RTL4: variants seen among roughly 807,000 people sequenced by gnomAD.
The protein encoded by RTL4 is retrotransposon Gag-like protein 4.
RTL4 carries 4 observed loss-of-function variants against 5.3 expected under a neutral mutation model. The ratio of observed to expected loss-of-function variants is 0.75; its 90% confidence interval spans 0.37 to 1.72. RTL4 has a LOEUF of 1.72. Among genes scored for constraint, RTL4 ranks in the 40% most tolerant of loss-of-function variants. RTL4 has a pLI of 0.04. For synonymous variants in RTL4, 98 were observed against 87.3 expected, an observed-to-expected ratio of 1.12 and a Z score of -0.68; for missense variants, 260 against 227.1, an observed-to-expected ratio of 1.14 and a Z score of -0.93.
At chrX:112,201,129 C>A in the RTL4 span, among the ~76,000 whole-genome samples, 1 of 111,089 alleles carries the variant, frequency 9.0e-6, no homozygotes, top group Non-Finnish European at 1.9e-5. Context: ...CTTCACAAGG[C>A]GGCAAGAAGA....
At chrX:112,199,725 C>T in the RTL4 span, among the ~76,000 whole-genome samples, 1 of 111,457 alleles carries the variant, frequency 9.0e-6, no homozygotes, top group Non-Finnish European at 1.9e-5. Context: ...AACTCACTTC[C>T]TAGAAGGGGC....
chrX:112,299,389 T>C, the RTL4 span, among the ~76,000 whole-genome samples: 4 of 112,828 alleles, frequency 3.5e-5, no homozygotes, highest in Non-Finnish European at 7.5e-5. Context: ...AGCCACAATA[T>C]GTGAATCAGA....
chrX:112,174,924 G>A, the RTL4 span, among the ~76,000 whole-genome samples: 1 of 40,622 alleles, frequency 2.5e-5, no homozygotes, highest in Non-Finnish European at 5.4e-5. Context: ...CTTTTTGATG[G>A]GGTTGTTTTT....
At chrX:112,335,427 A>G in the RTL4 span, among the ~76,000 whole-genome samples, 709 of 112,058 alleles carry the variant, frequency 6.3e-3, 7 homozygotes, top group African/African-American at 0.022. Context: ...ATTGTTTAAA[A>G]AAATCATTCA....
chrX:112,304,046 C>T, the RTL4 span, among the ~76,000 whole-genome samples: 8 of 109,978 alleles, frequency 7.3e-5, no homozygotes, highest in South Asian at 8.0e-4. Context: ...CTTTTTTGAG[C>T]GTGGCCATAT....
the RTL4 span, among the ~76,000 whole-genome samples, chrX:112,221,766 G>T: frequency 2.7e-5 from 3 of 112,035 alleles, no homozygotes; most frequent in Admixed American, 9.4e-5. Flanking sequence ...CCAAAGGAAG[G>T]GGTAACGGAC....
At chrX:112,393,152 T>TA in the RTL4 span, among the ~76,000 whole-genome samples, 1,338 of 96,501 alleles carry the variant, frequency 0.014, 19 homozygotes, top group African/African-American at 0.061. Flanking sequence ...TCTTTCTTTT[T>TA]TTTTTTTTGT....
the RTL4 span, among the ~76,000 whole-genome samples, chrX:112,307,548 A>G: frequency 1.8e-5 from 2 of 111,564 alleles, no homozygotes; most frequent in Non-Finnish European, 3.8e-5. Context: ...TCCCTTCTCA[A>G]TGTCTTTGGA....
chrX:112,354,577 T>C, the RTL4 span, among the ~76,000 whole-genome samples: 1 of 111,824 alleles, frequency 8.9e-6, no homozygotes, highest in Non-Finnish European at 1.9e-5. Context: ...CTCTAGAATA[T>C]TGCAAAATAA....
At chrX:112,312,860 A>T in the RTL4 span, among the ~76,000 whole-genome samples, 1 of 110,611 alleles carries the variant, frequency 9.0e-6, no homozygotes, top group Non-Finnish European at 1.9e-5. Context: ...GGATCCTCTC[A>T]TGTCTTTTTT....
the RTL4 span, among the ~76,000 whole-genome samples, chrX:112,112,243 A>G: frequency 2.7e-5 from 3 of 112,059 alleles, no homozygotes; most frequent in East Asian, 8.5e-4. Flanking sequence ...ATGTATAAAG[A>G]GAAGTTTTGT....
At chrX:112,250,425 G>C in the RTL4 span, among the ~76,000 whole-genome samples, 1 of 111,825 alleles carries the variant, frequency 8.9e-6, no homozygotes, top group Non-Finnish European at 1.9e-5. Context: ...AGCTGTATGG[G>C]ACCAAAATCA....
the RTL4 span, among the ~76,000 whole-genome samples, chrX:112,397,344 A>G: frequency 9.0e-6 from 1 of 111,462 alleles, no homozygotes; most frequent in Non-Finnish European, 1.9e-5. Context: ...TATCGTTTTT[A>G]TTTGTTCTTT....
chrX:112,423,819 TCCC>T, the RTL4 span, among the ~76,000 whole-genome samples: 2 of 112,093 alleles, frequency 1.8e-5, no homozygotes, highest in African/African-American at 6.5e-5. Context: ...TGGCTTCAAA[TCCC>T]TATTTCATTC....
chrX:112,322,345 C>A, the RTL4 span, among the ~76,000 whole-genome samples: 2 of 90,671 alleles, frequency 2.2e-5, no homozygotes, highest in African/African-American at 5.3e-5. Context: ...TAAGGTAAGG[C>A]GCTTTTCATT....
chrX:112,434,300 A>C, the RTL4 span, among the ~76,000 whole-genome samples: 1 of 109,497 alleles, frequency 9.1e-6, no homozygotes, highest in East Asian at 2.9e-4. Context: ...ATAGTTTCAG[A>C]AGGAATGGTA....
At chrX:112,367,748 G>A in the RTL4 span, among the ~76,000 whole-genome samples, 2 of 111,738 alleles carry the variant, frequency 1.8e-5, no homozygotes, top group Non-Finnish European at 3.8e-5. Flanking sequence ...ACAAGGGAAC[G>A]AGCAATTAAA....
chrX:112,451,587 A>G (rs1324099974), upstream of RTL4, among the ~76,000 whole-genome samples: 1 of 112,027 alleles, frequency 8.9e-6, no homozygotes, highest in Non-Finnish European at 1.9e-5. Flanking sequence ...ATTATGAGGC[A>G]GGTATTATAA....
At chrX:112,343,528 T>G in the RTL4 span, among the ~76,000 whole-genome samples, 55 of 112,585 alleles carry the variant, frequency 4.9e-4, no homozygotes, top group African/African-American at 1.6e-3. Flanking sequence ...TCAAGTTGTT[T>G]GGAGAAATGC....
Sources: allele counts gnomAD v4.1 joint callset (sites outside exome capture counted in the v4.1 genomes callset), GRCh38; gene constraint gnomAD v4.1.1; transcripts MANE v1.5; gene names NCBI Gene and HGNC (gene_info 2026-07-23, HGNC 2026-07-21).